CFAP57: variants seen among roughly 807,000 people sequenced by gnomAD.
CFAP57 encodes the protein cilia- and flagella-associated protein 57.
In CFAP57, 116 loss-of-function variants were observed where a neutral mutation model predicts 146.8. The ratio of observed to expected loss-of-function variants is 0.79; its 90% CI spans 0.68 to 0.92. The LOEUF is 0.92. Ranked by LOEUF, CFAP57 falls within the 40% of genes least tolerant of loss-of-function variation. The pLI, the probability that CFAP57 is intolerant of heterozygous loss-of-function variation, is 0.00. For missense variants in CFAP57, 1,377 were observed against 1,527.2 expected (o/e 0.90, Z 1.64); for synonymous variants, 518 against 552.8 (o/e 0.94, Z 0.88).
intron 21 of CFAP57, among the ~76,000 whole-genome samples, chr1:43,242,288 G>A (rs1360515514): frequency 6.6e-6 from 1 of 152,168 alleles, no homozygotes; most frequent in East Asian, 1.9e-4. Flanking sequence ...CAGCAAGGTG[G>A]CCACCATGTT....
chr1:43,244,360 G>A (rs1646035589), intron 22 of CFAP57, among the ~76,000 whole-genome samples: 1 of 152,140 alleles, frequency 6.6e-6, no homozygotes, highest in Admixed American at 6.5e-5. Context: ...GGGGAAAAGT[G>A]GCTGAAAGGT....
chr1:43,179,739 C>T (rs1645313034), intron 2 of CFAP57, among the ~76,000 whole-genome samples: 1 of 152,136 alleles, frequency 6.6e-6, no homozygotes, highest in Non-Finnish European at 1.5e-5. Context: ...GCTGGACCTC[C>T]GTACCCAACT....
chr1:43,203,369 T>C (rs1228960428), intron 9 of CFAP57, among the ~76,000 whole-genome samples: 3 of 152,054 alleles, frequency 2.0e-5, no homozygotes, highest in Non-Finnish European at 4.4e-5. Flanking sequence ...TTATGTTCTA[T>C]GAGGCCAAAA....
chr1:43,189,526 T>C (rs1158573509), intron 6 of CFAP57, among the ~76,000 whole-genome samples: 2 of 152,220 alleles, frequency 1.3e-5, no homozygotes, highest in African/African-American at 4.8e-5. Context: ...TTTTCCTAAT[T>C]TCATTTTTGG....
intron 22 of CFAP57, among the ~76,000 whole-genome samples, chr1:43,245,310 G>A (rs1646073913): frequency 7.1e-6 from 1 of 140,108 alleles, no homozygotes; most frequent in Non-Finnish European, 1.5e-5. Flanking sequence ...CTAGGTGACA[G>A]AGCAAGACCC....
chr1:43,221,933 T>C (rs1645061806), intron 14 of CFAP57, among the ~76,000 whole-genome samples, 172 bp from the exon 15 acceptor site: 1 of 152,260 alleles, frequency 6.6e-6, no homozygotes, highest in East Asian at 1.9e-4. Flanking sequence ...CCTGATGAGA[T>C]GATGGGATGA....
At chr1:43,223,137 A>C (rs901984980) in intron 16 of CFAP57, 140 bp downstream of exon 16, 33 of 938,854 alleles carry the variant, frequency 3.5e-5, no homozygotes. Flanking sequence ...GGAGAAGAGC[A>C]CCAGCCAGTG....
rs1389701795 is a variant in CFAP57 at position 43,226,247 on chromosome 1, G to T, written c.2866-736G>T. Among the ~76,000 whole-genome samples the T allele has an allele frequency of 4.6e-5, 7 of 152,276 alleles. No individual in the cohort carries two copies. The East Asian group carries it at 1.2e-3, about 25-fold the overall frequency. On this transcript the variant is annotated intron_variant, in intron 17 of 22. Coordinates refer to ENST00000372492, the MANE Select transcript of CFAP57 (RefSeq NM_001378189.1). The stretch of plus-strand genomic sequence containing the variant: ...TGCTACAGATCTGGAATCTGGACAG[G>T]GTACAAAAGGATGGCTTATCTCTGT...
chr1:43,226,659 G>T (rs1025088031), intron 17 of CFAP57, among the ~76,000 whole-genome samples: 1 of 152,238 alleles, frequency 6.6e-6, no homozygotes, highest in Non-Finnish European at 1.5e-5. Flanking sequence ...CCTCCTGATG[G>T]AGAAGCAGCA....
chr1:43,232,977 C>T (rs1645535007), intron 19 of CFAP57, among the ~76,000 whole-genome samples: 1 of 152,162 alleles, frequency 6.6e-6, no homozygotes, highest in South Asian at 2.1e-4. Context: ...ATTGCCAAGG[C>T]CAGGGGAACC....
At chr1:43,202,002 G>A (rs1032077116) in intron 9 of CFAP57, among the ~76,000 whole-genome samples, 2 of 152,158 alleles carry the variant, frequency 1.3e-5, no homozygotes, top group African/African-American at 4.8e-5. Context: ...GCGGATGAAA[G>A]TACAGAAAGT....
intron 18 of CFAP57, 94 bp from the exon 19 acceptor site, chr1:43,232,412 CAG>C (rs1645508962): frequency 1.0e-6 from 1 of 973,672 alleles, no homozygotes; most frequent in South Asian, 1.5e-5. Flanking sequence ...GCCCGGGTGT[CAG>C]GGGTGGCATC....
At chr1:43,195,412 C>T (rs933412372) in intron 6 of CFAP57, among the ~76,000 whole-genome samples, 1 of 152,034 alleles carries the variant, frequency 6.6e-6, no homozygotes, top group Non-Finnish European at 1.5e-5. Flanking sequence ...GTCCCAGCTA[C>T]TAGGGAGGTT....
chr1:43,175,402 T>C (rs12087752), intron 2 of CFAP57, among the ~76,000 whole-genome samples: 30,529 of 151,942 alleles, frequency 0.2, 3,584 homozygotes, highest in Middle Eastern at 0.3. Flanking sequence ...CTAGGGATTA[T>C]TTGAGATTCC....
intron 22 of CFAP57, among the ~76,000 whole-genome samples, chr1:43,248,607 A>T (rs1011777158): frequency 6.6e-6 from 1 of 151,984 alleles, no homozygotes; most frequent in Non-Finnish European, 1.5e-5. Context: ...GACATGAGCC[A>T]CAGTACCCGG....
At position 43,232,627 on chromosome 1, in the gene CFAP57, G is replaced by T; in HGVS notation, c.3126+3G>T. 1 of 1,529,874 alleles carries T rather than the reference G, an allele frequency of 6.5e-7. No individual in the cohort carries two copies. Among genetic ancestry groups the T allele is most frequent in the Non-Finnish European group, 8.8e-7 (1 of 1,131,490 alleles). 94.8% of individuals were successfully genotyped at this position (1,529,874 alleles called of 1,614,324 possible). A position where few individuals can be genotyped will look rare whatever the true frequency, so the allele number is the denominator to read the frequency against. Reference sequence around the variant, plus strand: ...AGATGCGCAGAGAGAGACAGAAGGTGTGAGGGTTTCAGAGTCTGGCAGTTC... The same window carrying T: ...AGATGCGCAGAGAGAGACAGAAGGTTTGAGGGTTTCAGAGTCTGGCAGTTC... On this transcript the variant is annotated splice_donor_region_variant and intron_variant, in intron 19 of 22. Transcript: ENST00000372492.
chr1:43,222,796 G>A, intron 15 of CFAP57, 28 bp from the exon 16 acceptor site: 1 of 1,512,780 alleles, frequency 6.6e-7, no homozygotes, highest in South Asian at 1.3e-5. Context: ...CTTCTCCCCT[G>A]ACCACACGCC....
chr1:43,232,140 G>A (rs1220107182), intron 18 of CFAP57: 3 of 697,652 alleles, frequency 4.3e-6, no homozygotes, highest in Non-Finnish European at 7.8e-6. Flanking sequence ...TGAGGAAGGT[G>A]CTTCTCTGGG....
At chr1:43,236,590 T>TTAAAA (rs1553187080) in intron 21 of CFAP57, among the ~76,000 whole-genome samples, 1 of 41,802 alleles carries the variant, frequency 2.4e-5, no homozygotes, top group African/African-American at 1.2e-4. Context: ...GAATAAGTGC[T>TTAAAA]AAAAAAAAAA....
Sources: gnomAD v4.1 joint callset for allele counts (sites outside exome capture counted in the v4.1 genomes callset) on GRCh38, gnomAD v4.1.1 for gene constraint, MANE v1.5 for transcripts, NCBI Gene and HGNC (gene_info 2026-07-23, HGNC 2026-07-21) for gene names.